The following CCT6A variants were observed in gnomAD, a reference collection of about 807,000 sequenced individuals.
CCT6A encodes the protein T-complex protein 1 subunit zeta.
In CCT6A, 6 loss-of-function variants were observed where a neutral mutation model predicts 58.6. The ratio of observed to expected loss-of-function variants is 0.10; its 90% CI spans 0.06 to 0.20. The LOEUF (loss-of-function observed/expected upper bound fraction) is 0.20, where lower values mean the gene tolerates loss of function less well. Ranked by LOEUF, CCT6A falls within the 10% of genes least tolerant of loss-of-function variation. CCT6A has a pLI of 1.00. For synonymous variants in CCT6A, 245 were observed against 227.8 expected, an observed-to-expected ratio of 1.08 and a Z score of -0.68; for missense variants, 516 against 648.8, an observed-to-expected ratio of 0.80 and a Z score of 2.22.
intron 2 of CCT6A, among the ~76,000 whole-genome samples, chr7:56,052,975 G>A (rs1445341187): frequency 1.3e-5 from 2 of 152,108 alleles, no homozygotes; most frequent in African/African-American, 2.4e-5. Context: ...TGTATTTTTA[G>A]TAGAGACAGG....
intron 2 of CCT6A, 99 bp downstream of exon 2, chr7:56,052,584 C>A: frequency 1.9e-6 from 2 of 1,029,286 alleles, no homozygotes; most frequent in Non-Finnish European, 3.1e-6. Context: ...GGTAGGAGAA[C>A]ATTCAGAAGT....
chr7:56,059,400 A>G (rs751201080), intron 8 of CCT6A, 144 bp from the exon 9 acceptor site: 2 of 607,320 alleles, frequency 3.3e-6, no homozygotes, highest in Non-Finnish European at 5.9e-6. Context: ...TAGCTGGTTG[A>G]TGGCAAATGG....
At chr7:56,057,004 C>G (rs964926434) in intron 5 of CCT6A, among the ~76,000 whole-genome samples, 1 of 152,006 alleles carries the variant, frequency 6.6e-6, no homozygotes, top group African/African-American at 2.4e-5. Context: ...ACCATGTTAA[C>G]CAGGATGATC....
Position 56,054,456 on chromosome 7 carries a change from C to T in CCT6A, c.289C>T (p.Leu97=). ...TGGTGATGGTACGACTTCTAATGTC[C>T]TAATCATTGGAGAGCTGCTGAAACA... ...ITGDGTTSNV[L]IIGELLKQAD... is the part of the protein sequence containing the mutation. Residue 97 remains leucine, a synonymous_variant, in exon 3 of 14, where the codon CTA becomes TTA. Coordinates refer to ENST00000275603, the MANE Select transcript of CCT6A (RefSeq NM_001762.4). 6.2e-7 allele frequency: 1 copy of T among 1,613,390 alleles called. No homozygotes were observed. Among genetic ancestry groups the T allele is most frequent in the South Asian group, 1.1e-5 (1 of 91,064 alleles).
intron 10 of CCT6A, 112 bp downstream of exon 10, chr7:56,060,528 C>T (rs1463190653): frequency 8.5e-7 from 1 of 1,182,848 alleles, no homozygotes; most frequent in African/African-American, 1.5e-5. Context: ...CATGCAAAAG[C>T]AGTCTTCCCT....
intron 11 of CCT6A, 57 bp from the exon 12 acceptor site, chr7:56,061,690 T>TACTATCAG: frequency 5.4e-6 from 3 of 560,358 alleles, no homozygotes; most frequent in Admixed American, 4.1e-5. Flanking sequence ...TTTTTTTTTT[T>TACTATCAG]TTTTACTATC....
chr7:56,057,874 T>G (rs1418688595), intron 5 of CCT6A, 119 bp from the exon 6 acceptor site: 2 of 650,376 alleles, frequency 3.1e-6, no homozygotes, highest in African/African-American at 3.6e-5. Flanking sequence ...GAGCGAGACT[T>G]CATCTCAAAA....
intron 1 of CCT6A, among the ~76,000 whole-genome samples, 178 bp downstream of exon 1, chr7:56,052,163 G>T (rs1218424288): frequency 6.6e-6 from 1 of 152,168 alleles, no homozygotes; most frequent in Non-Finnish European, 1.5e-5. Flanking sequence ...ATTTCTTCCC[G>T]CATCGATGCA....
chr7:56,059,722 A>T, intron 9 of CCT6A, 82 bp downstream of exon 9: 1 of 725,378 alleles, frequency 1.4e-6, no homozygotes, highest in Non-Finnish European at 2.5e-6. Context: ...GTGGGGTCTC[A>T]CTCCTGCCCG....
intron 2 of CCT6A, among the ~76,000 whole-genome samples, chr7:56,054,003 G>GTGTGTGC (rs1437993552): frequency 2.6e-5 from 4 of 152,064 alleles, no homozygotes; most frequent in African/African-American, 9.7e-5. Flanking sequence ...TAATTATAAT[G>GTGTGTGC]TGTGTGCCCT....
At chr7:56,057,851 A>G in intron 5 of CCT6A, 142 bp from the exon 6 acceptor site, 1 of 612,188 alleles carries the variant, frequency 1.6e-6, no homozygotes, top group Non-Finnish European at 3.0e-6. Flanking sequence ...ACTACACTCC[A>G]TCCTGGGCAA....
At chr7:56,054,838 T>G (rs905263930) in intron 3 of CCT6A, among the ~76,000 whole-genome samples, 2 of 152,246 alleles carry the variant, frequency 1.3e-5, no homozygotes, top group African/African-American at 4.8e-5. Context: ...TTGGATAAAT[T>G]CCACTTTTTT....
chr7:56,061,373 GT>G (rs34651360), intron 11 of CCT6A, among the ~76,000 whole-genome samples: 30,920 of 117,558 alleles, frequency 0.26, 3,198 homozygotes, highest in Admixed American at 0.32. Context: ...TATGCAATGA[GT>G]TTTTTTTTTT....
At chr7:56,053,169 T>C (rs1794218335) in intron 2 of CCT6A, among the ~76,000 whole-genome samples, 2 of 152,204 alleles carry the variant, frequency 1.3e-5, no homozygotes, top group South Asian at 4.1e-4. Flanking sequence ...TCTGTCTCTT[T>C]GCAAGTCTTA....
intron 2 of CCT6A, among the ~76,000 whole-genome samples, chr7:56,053,387 AG>A (rs1280693547): frequency 6.6e-6 from 1 of 152,170 alleles, no homozygotes; most frequent in African/African-American, 2.4e-5. Flanking sequence ...TAGGAGGTGT[AG>A]TTTTTGTTTT....
chr7:56,060,393 C>T lies in CCT6A; in HGVS notation c.1190C>T (p.Ala397Val). The change falls in exon 10 of 14, where the codon GCT (alanine) becomes GTT (valine). Residue 397 changes from alanine (A) to valine (V), a missense_variant. By Grantham distance (64) the Ala-to-Val change is moderately conservative. This residue lies in a region of CCT6A where 315 missense variants were observed against 389.4 expected (regional missense o/e 0.81). Transcript: ENST00000275603. The part of the protein sequence containing the change: ...IKDAVRDGLR[A>V]VKNAIDDGCV... Reference sequence around the variant, plus strand: ...GATGCAGTGAGGGACGGCTTGAGGGCTGTCAAAAATGCTATTGATGATGGT... The same window carrying T: ...GATGCAGTGAGGGACGGCTTGAGGGTTGTCAAAAATGCTATTGATGATGGT... 1 of 1,614,030 alleles carries T rather than the reference C, an allele frequency of 6.2e-7. No individual in the cohort carries two copies. Among genetic ancestry groups the T allele is most frequent in the South Asian group, 1.1e-5 (1 of 91,078 alleles).
In CCT6A at chr7:56,063,286, T is replaced by C. The variant is rs1452132220; in HGVS notation, c.*201T>C. 3.3e-5 allele frequency: 19 copies of C among 579,336 alleles called. No individual in the cohort carries two copies. Among genetic ancestry groups the C allele is most frequent in the Non-Finnish European group, 5.8e-5 (19 of 326,764 alleles). The allele number at this position is 579,336 out of a possible 1,614,324, so 35.9% of individuals were successfully genotyped here. The stretch of plus-strand genomic sequence containing the variant: ...AAAATTGCACTGAAGTGTATACACA[T>C]AAAGCAGGTCTTTTATCCAGTGAAC... On this transcript the variant is annotated 3_prime_UTR_variant, in exon 14 of 14. Coordinates refer to ENST00000275603, the MANE Select transcript of CCT6A (RefSeq NM_001762.4).
chr7:56,054,486 G>T lies in CCT6A; in HGVS notation c.319G>T (p.Asp107Tyr). Residue 107 changes from aspartate to tyrosine, a missense_variant, in exon 3 of 14, where the codon GAT (aspartate) becomes TAT (tyrosine). Around this residue, in one of 3 missense-constraint regions of CCT6A, gnomAD observed 116 missense variants for 184.5 expected, o/e 0.63. Coordinates refer to ENST00000275603, the MANE Select transcript of CCT6A (RefSeq NM_001762.4). ...LIIGELLKQADLYISEGLHPR... is the reference protein window; with the variant it reads ...LIIGELLKQAYLYISEGLHPR... ...CATTGGAGAGCTGCTGAAACAGGCGGATCTCTACATTTCTGAAGTATGCAC... is the reference window on the plus strand; with the variant it reads ...CATTGGAGAGCTGCTGAAACAGGCGTATCTCTACATTTCTGAAGTATGCAC... The T allele has an allele frequency of 1.2e-6, 2 of 1,612,814 alleles. No homozygotes were observed. The highest frequency in any genetic ancestry group is 1.7e-6 in the Non-Finnish European group (2 of 1,179,298).
chr7:56,058,836 A>G (rs1287162251), intron 8 of CCT6A, 134 bp downstream of exon 8: 1 of 563,434 alleles, frequency 1.8e-6, no homozygotes, highest in East Asian at 2.8e-5. Context: ...GCACCCCGTC[A>G]GCACTGTCCA....
Sources: gnomAD v4.1 joint callset for allele counts (sites outside exome capture counted in the v4.1 genomes callset) on GRCh38, gnomAD v4.1.1 for gene constraint, gnomAD v4.1.1 regional missense constraint, MANE v1.5 for transcripts, NCBI Gene and HGNC (gene_info 2026-07-23, HGNC 2026-07-21) for gene names.